TINAG: variants seen among roughly 807,000 people sequenced by gnomAD.
TINAG encodes tubulointerstitial nephritis antigen.
Under a neutral mutation model 72.7 loss-of-function variants are expected in TINAG, and 83 were observed. The ratio of observed to expected loss-of-function variants is 1.14; its 90% CI spans 0.96 to 1.37. The LOEUF is 1.37. Ranked by LOEUF, TINAG falls within the 40% of genes most tolerant of loss-of-function variation. TINAG has a pLI of 0.00. For synonymous variants in TINAG, 234 were observed against 189.9 expected (o/e 1.23, Z -1.91); for missense variants, 685 against 576.6 (o/e 1.19, Z -1.93).
intron 4 of TINAG, among the ~76,000 whole-genome samples, chr6:54,333,528 G>T (rs1784791562): frequency 6.6e-6 from 1 of 151,930 alleles, no homozygotes; most frequent in African/African-American, 2.4e-5. Flanking sequence ...ATGATGGATT[G>T]ATGGGTGCAG....
chr6:54,324,509 G>A lies in TINAG; in HGVS notation c.510-2293G>A, dbSNP rs552934824. The stretch of plus-strand genomic sequence containing the variant: ...TTCTATTGGGTAAAGCAAGTTACTA[G>A]GCCAGCTTACATTCAAAGGCTAGTG... On this transcript the variant is annotated intron_variant, in intron 3 of 10. Coordinates refer to ENST00000259782, the MANE Select transcript of TINAG (RefSeq NM_014464.4). Among the ~76,000 whole-genome samples the A allele has an allele frequency of 3.3e-5, 5 of 152,250 alleles. No homozygotes were observed. The South Asian group carries it at 1.0e-3, about 32-fold the overall frequency.
Position 54,385,878 on chromosome 6 carries a change from G to GA in TINAG, c.1297-3912dup, listed in dbSNP as rs1315289343. Among the ~76,000 whole-genome samples, 201 of 103,052 alleles carry GA rather than the reference G, an allele frequency of 2.0e-3. 1 individual carries two copies. Among genetic ancestry groups the GA allele is most frequent in the African/African-American group, 7.8e-3 (152 of 19,406 alleles). 67.6% of individuals were successfully genotyped at this position (103,052 alleles called of 152,430 possible). A position where few individuals can be genotyped will look rare whatever the true frequency, so the allele number is the denominator to read the frequency against. On this transcript the variant is annotated intron_variant, in intron 10 of 10. Transcript: ENST00000259782. Reference sequence around the variant, plus strand: ...AAGAGTCAAGGAGAAAAAAAAACATGATTTTTTTTTTTTTTTTTTTTTTTT... The same window carrying GA: ...AAGAGTCAAGGAGAAAAAAAAACATGAATTTTTTTTTTTTTTTTTTTTTTTT...
intron 4 of TINAG, among the ~76,000 whole-genome samples, chr6:54,338,429 A>T (rs2150950927): frequency 6.6e-6 from 1 of 152,148 alleles, no homozygotes; most frequent in South Asian, 2.1e-4. Context: ...TGTTCCATAA[A>T]ACACTAGTTT....
At chr6:54,359,920 C>T (rs1763169297) in intron 9 of TINAG, among the ~76,000 whole-genome samples, 1 of 151,664 alleles carries the variant, frequency 6.6e-6, no homozygotes, top group Admixed American at 6.6e-5. Context: ...ACTTAATATA[C>T]TCCTAAGAAG....
intron 1 of TINAG, among the ~76,000 whole-genome samples, chr6:54,317,754 T>C (rs1784405737): frequency 6.6e-6 from 1 of 152,134 alleles, no homozygotes; most frequent in African/African-American, 2.4e-5. Context: ...ACCATCTCAT[T>C]CCCTTCTTTC....
chr6:54,322,025 G>A (rs563038236), intron 3 of TINAG, among the ~76,000 whole-genome samples: 267 of 152,248 alleles, frequency 1.8e-3, no homozygotes, highest in Non-Finnish European at 3.0e-3. Context: ...GCACTGGCCC[G>A]GCGAGGTGGC....
At chr6:54,389,556 T>C (rs1303096638) in intron 10 of TINAG, among the ~76,000 whole-genome samples, 1 of 152,216 alleles carries the variant, frequency 6.6e-6, no homozygotes, top group Non-Finnish European at 1.5e-5. Context: ...CTATGTTACC[T>C]TAGTACTCTG....
intron 1 of TINAG, 45 bp downstream of exon 1, chr6:54,308,950 A>G: frequency 7.0e-7 from 1 of 1,418,466 alleles, no homozygotes; most frequent in South Asian, 1.3e-5. Flanking sequence ...GTTCATAACA[A>G]CAAGATCTGA....
chr6:54,340,933 T>C (rs1784982730), intron 4 of TINAG, among the ~76,000 whole-genome samples: 1 of 152,128 alleles, frequency 6.6e-6, no homozygotes, highest in African/African-American at 2.4e-5. Flanking sequence ...ACGTATTTCA[T>C]TATTATTATT....
chr6:54,378,455 A>G (rs972895890), intron 9 of TINAG, among the ~76,000 whole-genome samples: 5 of 152,172 alleles, frequency 3.3e-5, no homozygotes, highest in African/African-American at 1.2e-4. Context: ...TTTCTTGAAA[A>G]GAAACTTACA....
intron 1 of TINAG, 88 bp from the exon 2 acceptor site, chr6:54,320,491 G>A: frequency 1.8e-6 from 2 of 1,116,098 alleles, no homozygotes; most frequent in South Asian, 1.7e-5. Flanking sequence ...TATTTGAAAA[G>A]CTAACTATGA....
intron 9 of TINAG, among the ~76,000 whole-genome samples, chr6:54,366,100 A>G (rs1380965117): frequency 6.6e-6 from 1 of 151,700 alleles, no homozygotes; most frequent in Non-Finnish European, 1.5e-5. Flanking sequence ...CACGAAATAC[A>G]ACCCTCATAC....
intron 9 of TINAG, chr6:54,365,339 C>G (rs1161904607): frequency 6.6e-6 from 1 of 151,572 alleles, no homozygotes; most frequent in Admixed American, 6.6e-5. Flanking sequence ...CACAAATAGA[C>G]TCAAAATATT....
chr6:54,346,180 T>C lies in TINAG; in HGVS notation c.749-1187T>C, dbSNP rs183202867. On this transcript the variant is annotated intron_variant, in intron 5 of 10. Coordinates refer to ENST00000259782, the MANE Select transcript of TINAG (RefSeq NM_014464.4). ...TATTTTGGTACAATGATCAAAATGA[T>C]GACATCTGTAGGGTTTTGCTACTGG... 9.3e-4 allele frequency among the ~76,000 whole-genome samples: 142 copies of C among 152,186 alleles called. 1 individual carries two copies. The highest frequency in any genetic ancestry group is 3.3e-3 in the African/African-American group (139 of 41,566).
upstream of TINAG, chr6:54,308,177 A>G: frequency 2.0e-6 from 3 of 1,487,824 alleles, no homozygotes; most frequent in Middle Eastern, 3.4e-4. Flanking sequence ...AATCTGGGCC[A>G]TGTATATTCT....
upstream of TINAG, chr6:54,308,331 A>G: frequency 3.1e-6 from 2 of 636,562 alleles, no homozygotes; most frequent in South Asian, 4.2e-5. Context: ...ACTTTGGGGG[A>G]ATAACAATAG....
rs12333265 is a variant in TINAG, at chr6:54,328,511, G to C, written c.624+1595G>C. 2.0e-3 allele frequency among the ~76,000 whole-genome samples: 301 copies of C among 152,150 alleles called. 1 individual carries two copies. The highest frequency in any genetic ancestry group is 6.9e-3 in the African/African-American group (285 of 41,514). ...GAAGTAGATAAATCCACAAGATGAG[G>C]AAAAATCAGCACAAAAAAAGCTGAA... On this transcript the variant is annotated intron_variant, in intron 4 of 10. Coordinates refer to ENST00000259782, the MANE Select transcript of TINAG (RefSeq NM_014464.4).
intron 10 of TINAG, among the ~76,000 whole-genome samples, chr6:54,384,199 G>A (rs1220783446): frequency 6.6e-6 from 1 of 152,132 alleles, no homozygotes; most frequent in East Asian, 1.9e-4. Context: ...ACTGGGGCCT[G>A]TTCACGGGTG....
intron 3 of TINAG, among the ~76,000 whole-genome samples, chr6:54,325,236 C>T (rs1036065301): frequency 2.0e-5 from 3 of 152,208 alleles, no homozygotes; most frequent in Admixed American, 6.5e-5. Context: ...TAACAAATGG[C>T]ACATGCCAAA....
Sources: gnomAD v4.1 joint callset for allele counts (sites outside exome capture counted in the v4.1 genomes callset) on GRCh38, gnomAD v4.1.1 for gene constraint, MANE v1.5 for transcripts, NCBI Gene and HGNC (gene_info 2026-07-23, HGNC 2026-07-21) for gene names.